Variants in DSCAM observed in about 807,000 individuals in gnomAD.
The protein encoded by DSCAM is DS cell adhesion molecule, also known as cell adhesion molecule DSCAM.
Under a neutral mutation model 217.7 loss-of-function variants are expected in DSCAM, and 47 were observed. The ratio of observed to expected loss-of-function variants is 0.22; its 90% CI spans 0.17 to 0.28. The LOEUF is 0.28. DSCAM is among the 10% of genes least tolerant of loss of function. DSCAM has a pLI of 1.00. For missense variants in DSCAM, 2,080 were observed against 2,618.3 expected, an observed-to-expected ratio of 0.79 and a Z score of 4.49; for synonymous variants, 1,056 against 1,015.3, an observed-to-expected ratio of 1.04 and a Z score of -0.76.
chr21:40,080,315 G>T lies in DSCAM; in HGVS notation c.4257C>A (p.Asp1419Glu). 6.2e-7 allele frequency: 1 copy of T among 1,612,370 alleles called. No homozygotes were observed. The highest frequency in any genetic ancestry group is 8.5e-7 in the Non-Finnish European group (1 of 1,179,328). ...GAAAACTCCCCCACTGCTCACTATT[G>T]TCCTCGGAGTACTGCAGTATGTATC... ...IRGYILQYSE[D>E]NSEQWGSFPI... The change falls in exon 25 of 33, where the codon GAC (aspartate) becomes GAA (glutamate). Residue 1419 changes from aspartate (D) to glutamate (E), a missense_variant. Physicochemically the swap from Asp to Glu is conservative, Grantham distance 45. Coordinates refer to ENST00000400454, the MANE Select transcript of DSCAM (RefSeq NM_001389.5).
At chr21:40,546,383 G>A (rs533301951) in intron 3 of DSCAM, among the ~76,000 whole-genome samples, 193 of 152,320 alleles carry the variant, frequency 1.3e-3, no homozygotes, top group African/African-American at 4.3e-3. Flanking sequence ...CAAAGCAAAC[G>A]GCAAAGTGGC....
intron 3 of DSCAM, among the ~76,000 whole-genome samples, chr21:40,435,017 C>A (rs1738992717): frequency 6.6e-6 from 1 of 152,234 alleles, no homozygotes; most frequent in African/African-American, 2.4e-5. Flanking sequence ...TTGTCCCCAA[C>A]AAGTGCTCTA....
chr21:40,512,135 G>A (rs760932753), intron 3 of DSCAM, among the ~76,000 whole-genome samples: 1 of 152,080 alleles, frequency 6.6e-6, no homozygotes, highest in Admixed American at 6.5e-5. Context: ...TTTGCAGGAG[G>A]AAATTAACGT....
intron 11 of DSCAM, among the ~76,000 whole-genome samples, chr21:40,261,513 G>A (rs1245389036): frequency 2.0e-5 from 3 of 152,034 alleles, no homozygotes; most frequent in Non-Finnish European, 4.4e-5. Flanking sequence ...TTTGGACTTC[G>A]AGTGAAACAT....
chr21:40,056,142 A>T (rs2089018135), intron 28 of DSCAM, among the ~76,000 whole-genome samples: 1 of 152,242 alleles, frequency 6.6e-6, no homozygotes, highest in South Asian at 2.1e-4. Flanking sequence ...TAAATGAAAC[A>T]AATGAAAAGC....
intron 10 of DSCAM, among the ~76,000 whole-genome samples, chr21:40,278,028 CAA>C (rs1168486313): frequency 6.6e-6 from 1 of 151,758 alleles, no homozygotes; most frequent in African/African-American, 2.4e-5. Context: ...ATGAGTTTAG[CAA>C]AGTCATGGGA....
chr21:40,520,106 A>G (rs546925139), intron 3 of DSCAM, among the ~76,000 whole-genome samples: 3 of 152,258 alleles, frequency 2.0e-5, no homozygotes, highest in African/African-American at 7.2e-5. Context: ...CCTTAATGAC[A>G]TAATTCATTT....
At chr21:40,118,953 T>A (rs1181791653) in intron 20 of DSCAM, among the ~76,000 whole-genome samples, 1 of 152,192 alleles carries the variant, frequency 6.6e-6, no homozygotes, top group African/African-American at 2.4e-5. Flanking sequence ...TTATGACAGA[T>A]TCTGGCTCGT....
chr21:40,398,351 T>C (rs2075201107), intron 3 of DSCAM, among the ~76,000 whole-genome samples: 1 of 152,144 alleles, frequency 6.6e-6, no homozygotes, highest in Non-Finnish European at 1.5e-5. Context: ...CTCCAAATGG[T>C]TCCCAACAGA....
At chr21:40,558,228 C>A (rs993481259) in intron 3 of DSCAM, among the ~76,000 whole-genome samples, 2 of 152,010 alleles carry the variant, frequency 1.3e-5, no homozygotes, top group African/African-American at 4.8e-5. Context: ...GGGCAGATTA[C>A]GAGGTCAGGA....
At chr21:40,394,498 T>G (rs2075161222) in intron 3 of DSCAM, among the ~76,000 whole-genome samples, 2 of 152,232 alleles carry the variant, frequency 1.3e-5, no homozygotes, top group Non-Finnish European at 1.5e-5. Context: ...ACATACACAA[T>G]GCATCTGACT....
intron 1 of DSCAM, among the ~76,000 whole-genome samples, chr21:40,816,233 G>A (rs1416320369): frequency 6.6e-6 from 1 of 152,172 alleles, no homozygotes; most frequent in African/African-American, 2.4e-5. Flanking sequence ...CTCAGAAAGG[G>A]TCCTAATTTG....
intron 1 of DSCAM, among the ~76,000 whole-genome samples, chr21:40,829,421 T>C (rs1387662773): frequency 6.6e-6 from 1 of 152,196 alleles, no homozygotes; most frequent in Non-Finnish European, 1.5e-5. Flanking sequence ...TTTGTGGTCA[T>C]GCATAATGAG....
At chr21:40,427,689 T>C (rs923752006) in intron 3 of DSCAM, among the ~76,000 whole-genome samples, 5 of 152,196 alleles carry the variant, frequency 3.3e-5, no homozygotes, top group South Asian at 4.1e-4. Context: ...AGCTGCCCCA[T>C]TGGCTTTGTC....
At chr21:40,548,067 T>G (rs2076598158) in intron 3 of DSCAM, among the ~76,000 whole-genome samples, 1 of 152,208 alleles carries the variant, frequency 6.6e-6, no homozygotes, top group Non-Finnish European at 1.5e-5. Context: ...AGAGAGCCGG[T>G]TGGTTAATCA....
chr21:40,278,255 T>C (rs1259162806), intron 10 of DSCAM, among the ~76,000 whole-genome samples: 4 of 152,210 alleles, frequency 2.6e-5, no homozygotes, highest in African/African-American at 9.6e-5. Flanking sequence ...AGTTATACCA[T>C]GTTCATGAAT....
intron 11 of DSCAM, among the ~76,000 whole-genome samples, chr21:40,248,751 C>G (rs1187358948): frequency 6.6e-6 from 1 of 152,140 alleles, no homozygotes; most frequent in Non-Finnish European, 1.5e-5. Context: ...TCAGCAGTGC[C>G]CCACTCTACA....
At chr21:40,419,987 G>C (rs1288700153) in intron 3 of DSCAM, among the ~76,000 whole-genome samples, 1 of 152,042 alleles carries the variant, frequency 6.6e-6, no homozygotes, top group African/African-American at 2.4e-5. Context: ...CTGAAGGAAT[G>C]CTTTTGAGTC....
chr21:40,811,544 C>G (rs567446652), intron 1 of DSCAM, among the ~76,000 whole-genome samples: 12 of 152,292 alleles, frequency 7.9e-5, no homozygotes, highest in African/African-American at 2.9e-4. Context: ...GAGTCAGATT[C>G]TTTCCACCAG....
Sources: allele counts gnomAD v4.1 joint callset (sites outside exome capture counted in the v4.1 genomes callset), GRCh38; gene constraint gnomAD v4.1.1; transcripts MANE v1.5; gene names NCBI Gene and HGNC (gene_info 2026-07-23, HGNC 2026-07-21).